TPD52L1: variants seen among roughly 807,000 people sequenced by gnomAD.
TPD52L1 encodes TPD52 like 1, also known as tumor protein D53.
A neutral mutation model predicts 28.7 loss-of-function variants in TPD52L1; 18 were observed. That is an observed-to-expected ratio of 0.63 (90% CI 0.43 to 0.93). The LOEUF is 0.93. TPD52L1 is among the 40% of genes least tolerant of loss of function. The probability of loss-of-function intolerance (pLI) is 0.00; values close to 1 mark genes in which losing one functional copy is unlikely to be tolerated. For missense variants in TPD52L1, 203 were observed against 254.8 expected, an observed-to-expected ratio of 0.80 and a Z score of 1.39; for synonymous variants, 75 against 88.8, an observed-to-expected ratio of 0.84 and a Z score of 0.88.
At chr6:125,239,069 G>T (rs983441951) in intron 3 of TPD52L1, among the ~76,000 whole-genome samples, 2 of 152,124 alleles carry the variant, frequency 1.3e-5, no homozygotes, top group East Asian at 1.9e-4. Context: ...TTTCTGTAGT[G>T]GTTGTAGTTT....
chr6:125,169,835 C>A (rs1226936910), intron 1 of TPD52L1, among the ~76,000 whole-genome samples: 1 of 152,158 alleles, frequency 6.6e-6, no homozygotes, highest in Non-Finnish European at 1.5e-5. Flanking sequence ...TCCGGTAGTT[C>A]TTCAATTCAC....
intron 3 of TPD52L1, among the ~76,000 whole-genome samples, chr6:125,236,404 A>G (rs548095766): frequency 6.6e-6 from 1 of 152,346 alleles, no homozygotes; most frequent in Non-Finnish European, 1.5e-5. Flanking sequence ...AACACAATGT[A>G]GCTATCACCT....
At chr6:125,154,123 C>A in intron 1 of TPD52L1, 153 bp downstream of exon 1, 1 of 1,408,714 alleles carries the variant, frequency 7.1e-7, no homozygotes, top group Non-Finnish European at 9.3e-7. Context: ...GGTATAATGC[C>A]TGCTGCCCAA....
chr6:125,225,307 C>T (rs1795535095), intron 2 of TPD52L1, among the ~76,000 whole-genome samples: 1 of 152,190 alleles, frequency 6.6e-6, no homozygotes, highest in Admixed American at 6.5e-5. Flanking sequence ...CTGCTATGAA[C>T]ATGTGTGTCC....
At chr6:125,175,025 G>A (rs545810675) in intron 1 of TPD52L1, among the ~76,000 whole-genome samples, 93 of 152,264 alleles carry the variant, frequency 6.1e-4, no homozygotes, top group African/African-American at 2.0e-3. Context: ...ATATGTGTGT[G>A]TGTGTGTATC....
At chr6:125,174,603 G>C (rs997205057) in intron 1 of TPD52L1, among the ~76,000 whole-genome samples, 1 of 152,184 alleles carries the variant, frequency 6.6e-6, no homozygotes, top group Non-Finnish European at 1.5e-5. Context: ...TAGGATGAAA[G>C]CTTAAAGATT....
At chr6:125,164,448 C>T (rs1582835332) in intron 1 of TPD52L1, among the ~76,000 whole-genome samples, 1 of 152,130 alleles carries the variant, frequency 6.6e-6, no homozygotes, top group Non-Finnish European at 1.5e-5. Context: ...CCAGCTCAAA[C>T]AAAAGTCTGT....
At chr6:125,170,747 C>A (rs1446576153) in intron 1 of TPD52L1, among the ~76,000 whole-genome samples, 2 of 152,078 alleles carry the variant, frequency 1.3e-5, no homozygotes, top group Non-Finnish European at 2.9e-5. Flanking sequence ...GGGTAAAATT[C>A]TGACCCTTCT....
At chr6:125,168,843 G>A (rs151110250) in intron 1 of TPD52L1, among the ~76,000 whole-genome samples, 22 of 152,250 alleles carry the variant, frequency 1.4e-4, no homozygotes, top group Admixed American at 3.9e-4. Flanking sequence ...CATACTGAGG[G>A]AAAATAAATG....
intron 1 of TPD52L1, among the ~76,000 whole-genome samples, chr6:125,164,305 T>C (rs1582835035): frequency 1.3e-5 from 2 of 152,176 alleles, no homozygotes; most frequent in Admixed American, 1.3e-4. Context: ...AGAGTAAGCC[T>C]TGCGACATGT....
At chr6:125,171,917 G>A (rs1791322821) in intron 1 of TPD52L1, among the ~76,000 whole-genome samples, 1 of 151,300 alleles carries the variant, frequency 6.6e-6, no homozygotes. Context: ...TGTGAGAGGA[G>A]AGGATGGGAT....
chr6:125,216,610 GA>G (rs1323671138), intron 1 of TPD52L1, among the ~76,000 whole-genome samples: 6 of 144,646 alleles, frequency 4.1e-5, no homozygotes, highest in Non-Finnish European at 7.5e-5. Context: ...AGAAATACCA[GA>G]AAGGAAGGAT....
intron 6 of TPD52L1, chr6:125,259,834 A>G (rs1470732424): frequency 6.6e-6 from 1 of 152,260 alleles, no homozygotes; most frequent in African/African-American, 2.4e-5. Flanking sequence ...TTTGGGGGAC[A>G]AAGTGACAAA....
intron 1 of TPD52L1, among the ~76,000 whole-genome samples, chr6:125,199,474 T>G (rs1582912018): frequency 1.3e-5 from 2 of 152,122 alleles, no homozygotes; most frequent in African/African-American, 4.8e-5. Context: ...TCACCTGAGG[T>G]CAGGAGTTCA....
chr6:125,235,474 G>A lies in TPD52L1; in HGVS notation c.284+6208G>A, dbSNP rs531985185. ...GATTTAAGGAAGTTTATGAGTTTGT[G>A]TTGGGCTGCTTTCAAAGCTGTCCTG... On this transcript the variant is annotated intron_variant, in intron 3 of 6. Coordinates refer to ENST00000534000, the MANE Select transcript of TPD52L1 (RefSeq NM_003287.4). Among the ~76,000 whole-genome samples, 8 of 152,302 alleles carry A rather than the reference G, an allele frequency of 5.3e-5. No individual in the cohort carries two copies. In the South Asian group the frequency reaches 6.2e-4, roughly 12 times the overall value.
chr6:125,169,680 C>T (rs1791150445), intron 1 of TPD52L1, among the ~76,000 whole-genome samples: 1 of 152,134 alleles, frequency 6.6e-6, no homozygotes, highest in African/African-American at 2.4e-5. Context: ...CCCAGCCTTC[C>T]TTATCTCCCA....
intron 1 of TPD52L1, among the ~76,000 whole-genome samples, chr6:125,173,820 AG>A (rs1356719687): frequency 6.6e-6 from 1 of 152,200 alleles, no homozygotes; most frequent in African/African-American, 2.4e-5. Flanking sequence ...TCTCGTTTAA[AG>A]AATGACTCTG....
chr6:125,178,647 AAACAAAAC>A (rs1335208619), intron 1 of TPD52L1, among the ~76,000 whole-genome samples: 4 of 148,362 alleles, frequency 2.7e-5, no homozygotes, highest in Admixed American at 1.4e-4. Context: ...AAACAAAACA[AAACAAAAC>A]AAAATATATA....
intron 3 of TPD52L1, among the ~76,000 whole-genome samples, chr6:125,231,550 A>G (rs1795947952): frequency 6.6e-6 from 1 of 152,204 alleles, no homozygotes; most frequent in South Asian, 2.1e-4. Flanking sequence ...TGAATAGCCT[A>G]GATTTATTCC....
Sources: allele counts gnomAD v4.1 joint callset (sites outside exome capture counted in the v4.1 genomes callset), GRCh38; gene constraint gnomAD v4.1.1; transcripts MANE v1.5; gene names NCBI Gene and HGNC (gene_info 2026-07-23, HGNC 2026-07-21).